The following BMPER variants were observed in gnomAD, a reference collection of about 807,000 sequenced individuals.
The protein encoded by BMPER is BMP binding endothelial regulator.
A neutral mutation model predicts 87.3 loss-of-function variants in BMPER; 45 were observed. The ratio of observed to expected loss-of-function variants is 0.52; its 90% CI spans 0.41 to 0.66. BMPER has a LOEUF of 0.66. BMPER is among the 30% of genes least tolerant of loss of function. BMPER has a pLI of 0.00. For synonymous variants in BMPER, 326 were observed against 316.2 expected, an observed-to-expected ratio of 1.03 and a Z score of -0.33; for missense variants, 784 against 867.5, an observed-to-expected ratio of 0.90 and a Z score of 1.21.
intron 6 of BMPER, among the ~76,000 whole-genome samples, chr7:34,039,174 A>G (rs896358389): frequency 5.9e-5 from 9 of 152,212 alleles, no homozygotes; most frequent in Admixed American, 6.5e-5. Flanking sequence ...GTTAGAAGCT[A>G]TGATGTGTGC....
intron 6 of BMPER, among the ~76,000 whole-genome samples, chr7:34,008,906 A>G (rs900960823): frequency 6.6e-6 from 1 of 151,960 alleles, no homozygotes; most frequent in Non-Finnish European, 1.5e-5. Flanking sequence ...CAGTAGTGCA[A>G]TCATAGCTCA....
chr7:33,970,453 CTG>C, intron 5 of BMPER, 34 bp downstream of exon 5: 1 of 1,595,182 alleles, frequency 6.3e-7, no homozygotes, highest in South Asian at 1.1e-5. Flanking sequence ...CTGGAAATCT[CTG>C]TGTGTTCTTT....
At chr7:34,059,003 T>G (rs796223983) in intron 10 of BMPER, among the ~76,000 whole-genome samples, 1 of 147,896 alleles carries the variant, frequency 6.8e-6, no homozygotes, top group African/African-American at 2.5e-5. Context: ...ATTGCACAAC[T>G]GAATAAAGAG....
Position 34,079,109 on chromosome 7 carries a change from G to A in BMPER, c.1331G>A (p.Arg444His), listed in dbSNP as rs749425602. ...QHLTVRWNGS[R>H]IALPCRAPHF... ...CTCACCGTGCGCTGGAACGGCTCGC[G>A]CATCGCGCTCCCCTGCCGCGCGCCA... is the stretch of plus-strand genomic sequence containing the variant. The change falls in exon 12 of 15, where the codon CGC (arginine) becomes CAC (histidine). Residue 444 changes from arginine (R) to histidine (H), a missense_variant. Arg to His is a conservative substitution (Grantham distance 29, BLOSUM62 0). Coordinates refer to ENST00000649409, the MANE Select transcript of BMPER (RefSeq NM_001365308.1). The A allele has an allele frequency of 2.5e-6, 4 of 1,613,400 alleles. No individual in the cohort carries two copies. Among genetic ancestry groups the A allele is most frequent in the Non-Finnish European group, 2.5e-6 (3 of 1,179,784 alleles).
intron 10 of BMPER, among the ~76,000 whole-genome samples, chr7:34,060,203 C>T (rs1788399875): frequency 6.6e-6 from 1 of 152,046 alleles, no homozygotes; most frequent in African/African-American, 2.4e-5. Context: ...TTAGTGATAT[C>T]ATCACTGCCA....
intron 13 of BMPER, among the ~76,000 whole-genome samples, chr7:34,137,756 G>T (rs142240926): frequency 6.6e-6 from 1 of 152,354 alleles, no homozygotes; most frequent in Non-Finnish European, 1.5e-5. Flanking sequence ...TCCAAGGGTT[G>T]ATGGGACATT....
At chr7:34,142,517 G>C (rs1007687439) in intron 13 of BMPER, among the ~76,000 whole-genome samples, 28 of 152,068 alleles carry the variant, frequency 1.8e-4, no homozygotes, top group African/African-American at 5.8e-4. Flanking sequence ...TTTATGTCCT[G>C]GTCCATCATT....
chr7:34,122,147 C>T (rs1249065996), intron 13 of BMPER, among the ~76,000 whole-genome samples: 1 of 152,022 alleles, frequency 6.6e-6, no homozygotes, highest in African/African-American at 2.4e-5. Context: ...TTCTAGACTA[C>T]TGCCTCTCAA....
chr7:33,958,744 G>A (rs1785203627), intron 3 of BMPER, among the ~76,000 whole-genome samples: 1 of 152,158 alleles, frequency 6.6e-6, no homozygotes, highest in African/African-American at 2.4e-5. Flanking sequence ...TAAATACTGG[G>A]GGTAAAATGT....
At chr7:34,136,489 GT>G (rs1790722603) in intron 13 of BMPER, among the ~76,000 whole-genome samples, 1 of 152,140 alleles carries the variant, frequency 6.6e-6, no homozygotes, top group African/African-American at 2.4e-5. Flanking sequence ...TAAAATGTGA[GT>G]TTTTTAATAG....
chr7:34,115,668 C>G (rs186639876), intron 13 of BMPER, among the ~76,000 whole-genome samples: 1 of 152,226 alleles, frequency 6.6e-6, no homozygotes, highest in Non-Finnish European at 1.5e-5. Context: ...GTATCAGTAA[C>G]TCAGTCCTTT....
At chr7:33,949,085 T>G (rs1164921382) in intron 3 of BMPER, among the ~76,000 whole-genome samples, 1 of 152,168 alleles carries the variant, frequency 6.6e-6, no homozygotes, top group African/African-American at 2.4e-5. Flanking sequence ...ACTGACAACA[T>G]GTAGCTTAGG....
In BMPER at chr7:34,026,622, A is replaced by C. The variant is rs948380807; in HGVS notation, c.577-19684A>C. Among the ~76,000 whole-genome samples, 5 of 152,214 alleles carry C rather than the reference A, an allele frequency of 3.3e-5. No individual in the cohort carries two copies. In the South Asian group the frequency reaches 8.3e-4, roughly 25 times the overall value. On this transcript the variant is annotated intron_variant, in intron 6 of 14. Transcript: ENST00000649409. ...GCCATCAGATTGATTACAAGAATTC[A>C]GAGTTACTAAAATGAAAATGGCCAC...
At chr7:33,938,311 A>G (rs1247946091) in intron 3 of BMPER, among the ~76,000 whole-genome samples, 1 of 152,118 alleles carries the variant, frequency 6.6e-6, no homozygotes, top group Non-Finnish European at 1.5e-5. Flanking sequence ...TTTCACATCT[A>G]CTTGGAAGCT....
rs193270067 is a variant in BMPER at position 33,952,145 on chromosome 7, G to A, written c.320-14334G>A. Among the ~76,000 whole-genome samples, 119 of 152,154 alleles carry A rather than the reference G, an allele frequency of 7.8e-4. 2 individuals are homozygous for A. Among genetic ancestry groups the A allele is most frequent in the Non-Finnish European group, 8.8e-5 (6 of 68,008 alleles). On this transcript the variant is annotated intron_variant, in intron 3 of 14. Coordinates refer to ENST00000649409, the MANE Select transcript of BMPER (RefSeq NM_001365308.1). ...AGTAATATTCTGCAATTAGGACTTC[G>A]GATTTCCAAGGTACCATAATTTTGA...
In BMPER at chr7:34,154,571, A is replaced by G. The variant is rs2127997800; in HGVS notation, c.*1298A>G. On this transcript the variant is annotated 3_prime_UTR_variant, in exon 15 of 15. Transcript: ENST00000649409. ...ATCAACTTCAGATTCATTAAATTTT[A>G]ACAGCTGTATTTAGTTATAATTTTT... 6.6e-6 allele frequency: 1 copy of G among 152,364 alleles called. No homozygotes were observed. 9.4% of individuals were successfully genotyped at this position (152,364 alleles called of 1,614,324 possible). A position where few individuals can be genotyped will look rare whatever the true frequency, so the allele number is the denominator to read the frequency against.
chr7:33,997,396 TTGAA>T (rs1356555179), intron 6 of BMPER, among the ~76,000 whole-genome samples: 1 of 152,102 alleles, frequency 6.6e-6, no homozygotes, highest in African/African-American at 2.4e-5. Flanking sequence ...TGGGAGGTGA[TTGAA>T]TGAAGGATGC....
At chr7:34,064,128 T>C (rs1356840738) in intron 11 of BMPER, among the ~76,000 whole-genome samples, 1 of 152,082 alleles carries the variant, frequency 6.6e-6, no homozygotes, top group Non-Finnish European at 1.5e-5. Flanking sequence ...CCATTTCTAC[T>C]AAAAATACAA....
At chr7:34,061,498 T>G (rs921389417) in intron 10 of BMPER, among the ~76,000 whole-genome samples, 1 of 152,234 alleles carries the variant, frequency 6.6e-6, no homozygotes, top group Non-Finnish European at 1.5e-5. Flanking sequence ...GAATTTGATC[T>G]GTAGCACAGA....
Sources: allele counts gnomAD v4.1 joint callset (sites outside exome capture counted in the v4.1 genomes callset), GRCh38; gene constraint gnomAD v4.1.1; transcripts MANE v1.5; gene names NCBI Gene and HGNC (gene_info 2026-07-23, HGNC 2026-07-21).